The following ALOX5AP variants were observed in gnomAD, a reference collection of about 807,000 sequenced individuals.
The protein encoded by ALOX5AP is arachidonate 5-lipoxygenase-activating protein.
Under a neutral mutation model 18.5 loss-of-function variants are expected in ALOX5AP, and 9 were observed. That is an observed-to-expected ratio of 0.49 (90% CI 0.29 to 0.85). The LOEUF is 0.85. ALOX5AP is among the 40% of genes least tolerant of loss of function. The pLI, the probability that ALOX5AP is intolerant of heterozygous loss-of-function variation, is 0.08. For missense variants in ALOX5AP, 172 were observed against 202.5 expected, an observed-to-expected ratio of 0.85 and a Z score of 0.91; for synonymous variants, 81 against 78.6, an observed-to-expected ratio of 1.03 and a Z score of -0.16.
At chr13:30,727,928 C>T (rs1951651857) in intron 1 of ALOX5AP, among the ~76,000 whole-genome samples, 1 of 152,116 alleles carries the variant, frequency 6.6e-6, no homozygotes, top group African/African-American at 2.4e-5. Context: ...GATTCAGCAC[C>T]AGCCACAGAA....
rs57400275 is a variant in ALOX5AP, at chr13:30,714,206, CAAAAA to C, written c.116+380_116+384del. 8.2e-4 allele frequency among the ~76,000 whole-genome samples: 92 copies of C among 111,866 alleles called. 2 individuals are homozygous for C. Among genetic ancestry groups the C allele is most frequent in the Admixed American group, 2.1e-3 (24 of 11,172 alleles). 73.4% of individuals were successfully genotyped at this position (111,866 alleles called of 152,430 possible). ...GGGATGTGATGGATGTGCTAACTTTCAAAAAAAAAAAAAAAAAAAGGCCTGAGCTG... is the reference window on the plus strand; with the variant it reads ...GGGATGTGATGGATGTGCTAACTTTCAAAAAAAAAAAAAAGGCCTGAGCTG... On this transcript the variant is annotated intron_variant, in intron 1 of 5. Coordinates refer to the ALOX5AP transcript ENST00000617770.
chr13:30,723,120 A>C (rs891664591), intron 1 of ALOX5AP, among the ~76,000 whole-genome samples: 2 of 152,248 alleles, frequency 1.3e-5, no homozygotes, highest in Admixed American at 1.3e-4. Context: ...CACTCCTGTA[A>C]CAAATTACTT....
intron 2 of ALOX5AP, among the ~76,000 whole-genome samples, chr13:30,750,737 A>G (rs1332580336): frequency 2.6e-5 from 4 of 152,230 alleles, no homozygotes; most frequent in Non-Finnish European, 4.4e-5. Context: ...GCAGCTAGCC[A>G]GTTGGCCTTA....
chr13:30,728,428 T>A (rs1951655276), intron 1 of ALOX5AP, among the ~76,000 whole-genome samples: 1 of 152,114 alleles, frequency 6.6e-6, no homozygotes, highest in African/African-American at 2.4e-5. Flanking sequence ...TAAGGTCTAA[T>A]CCCTATAATA....
intron 1 of ALOX5AP, among the ~76,000 whole-genome samples, chr13:30,726,970 A>G (rs1168255501): frequency 6.6e-6 from 1 of 152,198 alleles, no homozygotes; most frequent in Non-Finnish European, 1.5e-5. Flanking sequence ...CAGAATGAAT[A>G]TCACTCAAAG....
intron 2 of ALOX5AP, among the ~76,000 whole-genome samples, chr13:30,748,501 C>G (rs776707111): frequency 5.0e-4 from 76 of 152,120 alleles, no homozygotes; most frequent in Admixed American, 5.9e-4. Context: ...CAAATTGTTG[C>G]AAGATCTGCT....
In ALOX5AP at chr13:30,764,023, C is replaced by T. The variant is rs1402050227; in HGVS notation, c.403C>T (p.Leu135Phe). 2 of 1,613,974 alleles carry T rather than the reference C, an allele frequency of 1.2e-6. No individual in the cohort carries two copies. Among genetic ancestry groups the T allele is most frequent in the Non-Finnish European group, 1.7e-6 (2 of 1,179,998 alleles). The change falls in exon 5 of 5, where the codon CTC becomes TTC. Residue 135 changes from leucine (L) to phenylalanine (F), a missense_variant. Leu to Phe is a conservative substitution (Grantham distance 22, BLOSUM62 0). Transcript: ENST00000380490. The stretch of plus-strand genomic sequence containing the variant: ...CGTTGCTGGCATATTCAACTATTAC[C>T]TCATCTTCTTTTTCGGAAGTGACTT... The part of the protein sequence containing the change: ...MSVAGIFNYY[L>F]IFFFGSDFEN...
intron 2 of ALOX5AP, among the ~76,000 whole-genome samples, chr13:30,749,691 G>T (rs1951836557): frequency 6.6e-6 from 1 of 152,216 alleles, no homozygotes; most frequent in Non-Finnish European, 1.5e-5. Flanking sequence ...GGGATTCAGA[G>T]CACTTTGCAA....
At chr13:30,750,533 G>A (rs1252126808) in intron 2 of ALOX5AP, among the ~76,000 whole-genome samples, 1 of 152,174 alleles carries the variant, frequency 6.6e-6, no homozygotes, top group African/African-American at 2.4e-5. Context: ...TGATTATGGT[G>A]TGAATCCCGG....
chr13:30,741,272 AT>A (rs879592242), intron 1 of ALOX5AP, among the ~76,000 whole-genome samples: 52 of 144,264 alleles, frequency 3.6e-4, no homozygotes, highest in South Asian at 1.1e-3. Flanking sequence ...CGCCCAGCTA[AT>A]TTTTTTTTTG....
intron 1 of ALOX5AP, among the ~76,000 whole-genome samples, chr13:30,741,104 T>C (rs78339537): frequency 4.8e-4 from 3 of 6,294 alleles, no homozygotes; most frequent in African/African-American, 3.9e-3. Flanking sequence ...CTCCATATCC[T>C]TTTTTTTTTT....
intron 1 of ALOX5AP, among the ~76,000 whole-genome samples, chr13:30,740,333 G>A (rs1484247956): frequency 2.6e-5 from 4 of 152,200 alleles, no homozygotes; most frequent in Admixed American, 1.3e-4. Flanking sequence ...CCTTCACTGA[G>A]CAGTGGAGTG....
intron 1 of ALOX5AP, among the ~76,000 whole-genome samples, chr13:30,728,884 C>A (rs114386175): frequency 6.6e-6 from 1 of 152,162 alleles, no homozygotes; most frequent in Non-Finnish European, 1.5e-5. Context: ...AACTGTCAAA[C>A]TCTTCCCAAC....
Position 30,722,398 on chromosome 13 carries a change from G to A in ALOX5AP, c.116+8557G>A, listed in dbSNP as rs369931316. ...ATGAGAGGCAAATGAGAGCTTACGT[G>A]TTTAAGCCATTGCTATTTTATTTTT... On this transcript the variant is annotated intron_variant, in intron 1 of 5. Transcript: ENST00000617770. Among the ~76,000 whole-genome samples, 9 of 152,288 alleles carry A rather than the reference G, an allele frequency of 5.9e-5. No homozygotes were observed. The East Asian group carries it at 1.7e-3, about 29-fold the overall frequency.
chr13:30,732,471 C>T (rs945940860), upstream of ALOX5AP, among the ~76,000 whole-genome samples: 2 of 152,154 alleles, frequency 1.3e-5, no homozygotes, highest in African/African-American at 4.8e-5. Context: ...CAGTCAAGTG[C>T]AAGAGTGAAT....
At chr13:30,728,944 G>A (rs1323090830) in intron 1 of ALOX5AP, among the ~76,000 whole-genome samples, 5 of 152,208 alleles carry the variant, frequency 3.3e-5, no homozygotes, top group African/African-American at 1.2e-4. Flanking sequence ...AGCAATGATT[G>A]ATAGTTCCAG....
At chr13:30,761,773 G>T (rs1371649529) in intron 4 of ALOX5AP, among the ~76,000 whole-genome samples, 1 of 152,162 alleles carries the variant, frequency 6.6e-6, no homozygotes, top group Non-Finnish European at 1.5e-5. Flanking sequence ...CACTGAGCAT[G>T]TCTGTGTCCA....
intron 3 of ALOX5AP, among the ~76,000 whole-genome samples, chr13:30,754,896 T>C (rs1253845592): frequency 6.6e-6 from 1 of 152,190 alleles, no homozygotes; most frequent in Non-Finnish European, 1.5e-5. Flanking sequence ...GCTGGGAGGA[T>C]TGGAGACTCA....
intron 3 of ALOX5AP, 146 bp downstream of exon 3, chr13:30,752,268 C>T (rs966891374): frequency 6.7e-6 from 5 of 750,880 alleles, no homozygotes; most frequent in African/African-American, 1.7e-5. Context: ...CTCGGGAGGC[C>T]GTGTTTCAGG....
Sources: gnomAD v4.1 joint callset for allele counts (sites outside exome capture counted in the v4.1 genomes callset) on GRCh38, gnomAD v4.1.1 for gene constraint, MANE v1.5 for transcripts, NCBI Gene and HGNC (gene_info 2026-07-23, HGNC 2026-07-21) for gene names.